The following MUSK variants were observed in gnomAD, a reference collection of about 807,000 sequenced individuals.
MUSK encodes muscle associated receptor tyrosine kinase, also known as muscle, skeletal receptor tyrosine-protein kinase.
MUSK carries 55 observed loss-of-function variants against 88.7 expected under a neutral mutation model. That is an observed-to-expected ratio of 0.62 (90% CI 0.50 to 0.78). The LOEUF is 0.78. MUSK is among the 30% of genes least tolerant of loss of function. The pLI is 0.00. For synonymous variants in MUSK, 387 were observed against 391.9 expected (o/e 0.99, Z 0.15); for missense variants, 1,015 against 1,074.3 (o/e 0.94, Z 0.77).
intron 5 of MUSK, among the ~76,000 whole-genome samples, chr9:110,729,352 GA>G (rs1360500142): frequency 0.051 from 5,490 of 106,940 alleles, 392 homozygotes; most frequent in African/African-American, 0.17. Flanking sequence ...AAAGAAAAAA[GA>G]AAAAAAAAAA....
At chr9:110,776,689 T>C in intron 11 of MUSK, 34 bp downstream of exon 11, 1 of 1,545,514 alleles carries the variant, frequency 6.5e-7, no homozygotes, top group South Asian at 1.2e-5. Context: ...TGAAACCTTA[T>C]GTGTATGTAA....
At chr9:110,781,189 A>C (rs1318813252) in intron 11 of MUSK, among the ~76,000 whole-genome samples, 1 of 151,424 alleles carries the variant, frequency 6.6e-6, no homozygotes, top group Non-Finnish European at 1.5e-5. Context: ...ATAGAATACT[A>C]TCTCTCTACC....
intron 5 of MUSK, among the ~76,000 whole-genome samples, chr9:110,713,907 AT>A (rs2076711069): frequency 1.3e-5 from 2 of 152,178 alleles, no homozygotes; most frequent in African/African-American, 4.8e-5. Flanking sequence ...TAAACGTACC[AT>A]GGTTATACAG....
chr9:110,732,086 G>A lies in MUSK; in HGVS notation c.629-2165G>A, dbSNP rs997528020. ...GCCAGAAGGCTTTCATTCAAAAGGC[G>A]TTTTTGATTCAAAAAGTTCAAGGGT... On this transcript the variant is annotated intron_variant, in intron 5 of 14. Transcript: ENST00000374448. Among the ~76,000 whole-genome samples the A allele has an allele frequency of 2.6e-5, 4 of 151,944 alleles. No homozygotes were observed. In the South Asian group the frequency reaches 8.3e-4, roughly 31 times the overall value.
At chr9:110,713,825 C>A (rs4297099) in intron 5 of MUSK, among the ~76,000 whole-genome samples, 1 of 151,890 alleles carries the variant, frequency 6.6e-6, no homozygotes, top group Non-Finnish European at 1.5e-5. Context: ...GCTCGTTTAA[C>A]GCATGTCAGA....
chr9:110,677,593 C>T (rs1365083997), intron 1 of MUSK, among the ~76,000 whole-genome samples: 6 of 152,218 alleles, frequency 3.9e-5, no homozygotes, highest in Non-Finnish European at 8.8e-5. Context: ...GCTTAGGGCA[C>T]CAGCCTCCCT....
At chr9:110,762,267 T>C in intron 8 of MUSK, 59 bp downstream of exon 8, 1 of 1,307,960 alleles carries the variant, frequency 7.6e-7, no homozygotes, top group Non-Finnish European at 1.0e-6. Context: ...GGATTTCGTT[T>C]GTTTGTTTTT....
At chr9:110,771,728 G>T (rs1195546659) in intron 9 of MUSK, among the ~76,000 whole-genome samples, 1 of 152,158 alleles carries the variant, frequency 6.6e-6, no homozygotes, top group African/African-American at 2.4e-5. Context: ...AGGAAAGTTA[G>T]TATAGAAATG....
intron 3 of MUSK, among the ~76,000 whole-genome samples, chr9:110,693,048 C>T (rs1397258874): frequency 6.6e-6 from 1 of 152,006 alleles, no homozygotes; most frequent in Non-Finnish European, 1.5e-5. Context: ...GGGGATCTGC[C>T]TATATGCAGG....
In MUSK at chr9:110,800,283, CAG is replaced by C. The variant is rs2078071049; in HGVS notation, c.1928-22_1928-21del. The stretch of plus-strand genomic sequence containing the variant: ...GTTTCATTGTAGAAACTGAGACTAA[CAG>C]GGATGGTCTTTTGGTTCCAGGAGTG... On this transcript the variant is annotated intron_variant, in intron 14 of 14. Transcript: ENST00000374448. 3 of 1,549,202 alleles carry C rather than the reference CAG, an allele frequency of 1.9e-6. No individual in the cohort carries two copies. In the African/African-American group the frequency reaches 4.1e-5, roughly 21 times the overall value.
At chr9:110,695,337 G>A (rs1206361713) in intron 3 of MUSK, 66 bp from the exon 4 acceptor site, 1 of 1,132,686 alleles carries the variant, frequency 8.8e-7, no homozygotes, top group East Asian at 2.9e-5. Flanking sequence ...TAAATTGAAA[G>A]TTAGAAACTC....
chr9:110,716,843 T>G (rs1454660081), intron 5 of MUSK, among the ~76,000 whole-genome samples: 1 of 150,250 alleles, frequency 6.7e-6, no homozygotes, highest in Non-Finnish European at 1.5e-5. Flanking sequence ...ATTCCTCCTC[T>G]GCAGATTGCA....
chr9:110,726,632 C>A (rs554521173), intron 5 of MUSK, among the ~76,000 whole-genome samples: 1 of 151,974 alleles, frequency 6.6e-6, no homozygotes, highest in Non-Finnish European at 1.5e-5. Flanking sequence ...TTTGGAGATA[C>A]CACAGTTGCA....
intron 2 of MUSK, among the ~76,000 whole-genome samples, chr9:110,684,379 G>C (rs1212257197): frequency 1.3e-5 from 2 of 151,970 alleles, no homozygotes; most frequent in African/African-American, 4.8e-5. Flanking sequence ...TGCTGTTTTG[G>C]TTACTCTAGC....
At position 110,805,484 on chromosome 9, in the gene MUSK, T is replaced by G. The variant is rs2078149627; in HGVS notation, c.*4496T>G. Among the ~76,000 whole-genome samples, 1 of 152,096 alleles carries G rather than the reference T, an allele frequency of 6.6e-6. No individual in the cohort carries two copies. The highest frequency in any genetic ancestry group is 2.4e-5 in the African/African-American group (1 of 41,582). The stretch of plus-strand genomic sequence containing the variant: ...GAGGATACTTGATTGGTGATTTGCC[T>G]CCTACTATTATTTTTCTACTGGGTA... On this transcript the variant is annotated 3_prime_UTR_variant, in exon 15 of 15. Coordinates refer to ENST00000374448, the MANE Select transcript of MUSK (RefSeq NM_005592.4).
chr9:110,773,990 T>C (rs1274232749), intron 9 of MUSK, among the ~76,000 whole-genome samples: 1 of 152,176 alleles, frequency 6.6e-6, no homozygotes, highest in Non-Finnish European at 1.5e-5. Flanking sequence ...ATGGGTAATA[T>C]GCCCTAAACA....
chr9:110,773,207 T>G (rs1361978408), intron 9 of MUSK, among the ~76,000 whole-genome samples: 1 of 152,038 alleles, frequency 6.6e-6, no homozygotes, highest in Admixed American at 6.6e-5. Context: ...TAGAAGGTGT[T>G]AAATGTCATG....
Position 110,687,416 on chromosome 9 carries a change from C to T in MUSK, c.358+148C>T, listed in dbSNP as rs561745102. The stretch of plus-strand genomic sequence containing the variant: ...GTGGCATGATCTCGGTTCACTGCAA[C>T]CTCCACCTCCTGGGTTCAAGTGATT... On this transcript the variant is annotated intron_variant, in intron 3 of 14. Coordinates refer to ENST00000374448, the MANE Select transcript of MUSK (RefSeq NM_005592.4). The T allele has an allele frequency of 1.2e-5, 10 of 852,974 alleles. No individual in the cohort carries two copies. The East Asian group carries it at 2.9e-4, about 25-fold the overall frequency. The allele number at this position is 852,974 out of a possible 1,614,324, so 52.8% of individuals were successfully genotyped here.
At chr9:110,767,396 A>G (rs1222141658) in intron 8 of MUSK, among the ~76,000 whole-genome samples, 1 of 152,258 alleles carries the variant, frequency 6.6e-6, no homozygotes, top group Non-Finnish European at 1.5e-5. Flanking sequence ...CTATGTTCCT[A>G]AAGCTGCAAA....
Sources: allele counts gnomAD v4.1 joint callset (sites outside exome capture counted in the v4.1 genomes callset), GRCh38; gene constraint gnomAD v4.1.1; transcripts MANE v1.5; gene names NCBI Gene and HGNC (gene_info 2026-07-23, HGNC 2026-07-21).